AKAP6: variants seen among roughly 807,000 people sequenced by gnomAD.
AKAP6 encodes A-kinase anchor protein 6.
AKAP6 carries 58 observed loss-of-function variants against 188.5 expected under a neutral mutation model. That is an observed-to-expected ratio of 0.31 (90% CI 0.25 to 0.38). The LOEUF is 0.38. Ranked by LOEUF, AKAP6 falls within the 10% of genes least tolerant of loss-of-function variation. AKAP6 has a pLI of 1.00. For missense variants in AKAP6, 2,710 were observed against 2,740.0 expected, an observed-to-expected ratio of 0.99 and a Z score of 0.24; for synonymous variants, 989 against 998.6, an observed-to-expected ratio of 0.99 and a Z score of 0.18.
intron 2 of AKAP6, among the ~76,000 whole-genome samples, chr14:32,485,659 T>G (rs1025421506): frequency 3.8e-5 from 3 of 79,854 alleles, no homozygotes; most frequent in African/African-American, 9.2e-5. Context: ...TTAATGGGGT[T>G]GTTTGTTTTT....
At chr14:32,793,276 A>C (rs2033664755) in intron 12 of AKAP6, among the ~76,000 whole-genome samples, 2 of 152,126 alleles carry the variant, frequency 1.3e-5, no homozygotes, top group South Asian at 4.1e-4. Context: ...TCTTCAAGAG[A>C]CCCATCTCAC....
chr14:32,781,704 T>G (rs1406961607), intron 12 of AKAP6, among the ~76,000 whole-genome samples: 1 of 152,128 alleles, frequency 6.6e-6, no homozygotes, highest in East Asian at 1.9e-4. Context: ...AGAAACTACA[T>G]CATGATATTG....
At chr14:32,590,753 C>G (rs1292421235) in intron 5 of AKAP6, among the ~76,000 whole-genome samples, 1 of 152,104 alleles carries the variant, frequency 6.6e-6, no homozygotes, top group African/African-American at 2.4e-5. Context: ...CAAAAAACAC[C>G]AGGAATGTCT....
chr14:32,687,071 G>A (rs1011616445), intron 8 of AKAP6, among the ~76,000 whole-genome samples: 6 of 152,186 alleles, frequency 3.9e-5, no homozygotes, highest in Admixed American at 3.3e-4. Context: ...AATTAAAATA[G>A]GATTATAGGC....
At position 32,830,294 on chromosome 14, in the gene AKAP6, C is replaced by A; in HGVS notation, c.*489C>A. The stretch of plus-strand genomic sequence containing the variant: ...GACTGTGTTTATTGAAAGAGTTTTA[C>A]CTAAAAAGCCAACATTTGAATTGGT... On this transcript the variant is annotated 3_prime_UTR_variant, in exon 14 of 14. Transcript: ENST00000280979. 1 of 216,816 alleles carries A rather than the reference C, an allele frequency of 4.6e-6. No individual in the cohort carries two copies. Among genetic ancestry groups the A allele is most frequent in the East Asian group, 9.8e-5 (1 of 10,244 alleles). 13.4% of individuals were successfully genotyped at this position (216,816 alleles called of 1,614,324 possible).
chr14:32,748,415 G>T (rs2031996449), intron 11 of AKAP6, among the ~76,000 whole-genome samples: 1 of 152,132 alleles, frequency 6.6e-6, no homozygotes. Flanking sequence ...AATGAAGACT[G>T]CTTAAAATAG....
chr14:32,546,319 C>A lies in AKAP6; in HGVS notation c.1666C>A (p.Pro556Thr). 6.2e-7 allele frequency: 1 copy of A among 1,614,182 alleles called. No homozygotes were observed. Among genetic ancestry groups the A allele is most frequent in the Non-Finnish European group, 8.5e-7 (1 of 1,180,026 alleles). ...TNSASTSSLE[P>T]CNQRSWNAKL... ...TTCTGCTTCCACATCCTCACTTGAG[C>A]CTTGTAATCAGAGAAGTTGGAATGC... Residue 556 changes from proline to threonine, a missense_variant, in exon 4 of 14, where the codon CCT becomes ACT. Pro to Thr is a conservative substitution (Grantham distance 38). Coordinates refer to ENST00000280979, the MANE Select transcript of AKAP6 (RefSeq NM_004274.5).
intron 10 of AKAP6, chr14:32,733,217 G>C (rs1323435160): frequency 6.5e-6 from 1 of 154,928 alleles, no homozygotes; most frequent in East Asian, 1.9e-4. Flanking sequence ...CAAAGACTGA[G>C]ATGCAAGAAT....
chr14:32,375,049 T>C (rs1236278120), intron 1 of AKAP6, among the ~76,000 whole-genome samples: 4 of 152,020 alleles, frequency 2.6e-5, no homozygotes, highest in Admixed American at 6.6e-5. Flanking sequence ...TAAATCTAAA[T>C]GAGAGGTGAT....
At chr14:32,493,997 C>T (rs1355763014) in intron 2 of AKAP6, among the ~76,000 whole-genome samples, 1 of 152,096 alleles carries the variant, frequency 6.6e-6, no homozygotes, top group Non-Finnish European at 1.5e-5. Context: ...AACTGACTGT[C>T]AGGAAGTTTG....
At chr14:32,681,108 A>G (rs1466253623) in intron 8 of AKAP6, among the ~76,000 whole-genome samples, 1 of 152,182 alleles carries the variant, frequency 6.6e-6, no homozygotes, top group Non-Finnish European at 1.5e-5. Context: ...ATAAATATTC[A>G]TTGAGGGCCT....
At chr14:32,577,389 T>C in intron 5 of AKAP6, 147 bp downstream of exon 5, 3 of 993,284 alleles carry the variant, frequency 3.0e-6, no homozygotes, top group Non-Finnish European at 4.3e-6. Context: ...AAGATGAAAA[T>C]TTACAGGCAT....
chr14:32,795,707 T>C (rs1185699526), intron 12 of AKAP6, among the ~76,000 whole-genome samples: 1 of 152,170 alleles, frequency 6.6e-6, no homozygotes, highest in African/African-American at 2.4e-5. Flanking sequence ...GGAAGCATTC[T>C]TGTTAAAAAC....
chr14:32,738,509 A>C (rs1211298101), intron 11 of AKAP6, among the ~76,000 whole-genome samples: 1 of 152,130 alleles, frequency 6.6e-6, no homozygotes, highest in Non-Finnish European at 1.5e-5. Context: ...AAATTTGACC[A>C]AGCACTTTTA....
chr14:32,332,422 G>C (rs1196480739), intron 1 of AKAP6, among the ~76,000 whole-genome samples: 1 of 152,066 alleles, frequency 6.6e-6, no homozygotes, highest in Non-Finnish European at 1.5e-5. Flanking sequence ...ATCTTGATCA[G>C]ATGTGAATAT....
chr14:32,811,130 T>C (rs1379649057), intron 12 of AKAP6, among the ~76,000 whole-genome samples: 2 of 150,332 alleles, frequency 1.3e-5, no homozygotes, highest in Non-Finnish European at 3.0e-5. Context: ...TCCCAGCTAC[T>C]GGGGAGGCTG....
At chr14:32,563,016 C>A (rs1469712876) in intron 4 of AKAP6, among the ~76,000 whole-genome samples, 3 of 152,132 alleles carry the variant, frequency 2.0e-5, no homozygotes. Flanking sequence ...TCTAGACACA[C>A]TTTTATACAA....
At chr14:32,818,401 G>A (rs954058255) in intron 12 of AKAP6, among the ~76,000 whole-genome samples, 1 of 151,948 alleles carries the variant, frequency 6.6e-6, no homozygotes, top group African/African-American at 2.4e-5. Flanking sequence ...TTTATTATTT[G>A]CATATAACCT....
chr14:32,802,683 G>T (rs1430632495), intron 12 of AKAP6, among the ~76,000 whole-genome samples: 1 of 152,110 alleles, frequency 6.6e-6, no homozygotes, highest in Non-Finnish European at 1.5e-5. Context: ...TGCATATAAA[G>T]ATATTCATCA....
Sources: gnomAD v4.1 joint callset for allele counts (sites outside exome capture counted in the v4.1 genomes callset) on GRCh38, gnomAD v4.1.1 for gene constraint, MANE v1.5 for transcripts, NCBI Gene and HGNC (gene_info 2026-07-23, HGNC 2026-07-21) for gene names.